The following PRH1 variants were observed in gnomAD, a reference collection of about 807,000 sequenced individuals.
The protein encoded by PRH1 is salivary acidic proline-rich phosphoprotein 1/2.
PRH1 carries 7 observed loss-of-function variants against 7.9 expected under a neutral mutation model. The ratio of observed to expected loss-of-function variants is 0.89; its 90% CI spans 0.50 to 1.67. PRH1 has a LOEUF of 1.67. PRH1 is among the 40% of genes most tolerant of loss of function. The pLI, the probability that PRH1 is intolerant of heterozygous loss-of-function variation, is 0.00. For missense variants in PRH1, 109 were observed against 223.6 expected (o/e 0.49, Z 3.27); for synonymous variants, 45 against 80.8 (o/e 0.56, Z 2.38).
chr12:10,937,448 G>A (rs1950307085), intron 2 of PRH1: 1 of 151,818 alleles, frequency 6.6e-6, no homozygotes, highest in Non-Finnish European at 1.5e-5. Context: ...ACTATACACA[G>A]GAAGATAGGA....
chr12:11,083,912 A>C, intron 1 of PRH1, among the ~76,000 whole-genome samples: 2 of 128,296 alleles, frequency 1.6e-5, no homozygotes, highest in African/African-American at 2.7e-5. Flanking sequence ...TTCTTTGTAA[A>C]CATGTTGCTC....
chr12:11,062,589 C>T (rs1450508273), intron 1 of PRH1, among the ~76,000 whole-genome samples: 1 of 152,100 alleles, frequency 6.6e-6, no homozygotes, highest in Non-Finnish European at 1.5e-5. Context: ...CTGAAGTTGA[C>T]ATGAAACCTG....
intron 1 of PRH1, among the ~76,000 whole-genome samples, chr12:11,106,864 G>T (rs763997797): frequency 6.6e-6 from 1 of 151,814 alleles, no homozygotes; most frequent in Non-Finnish European, 1.5e-5. Flanking sequence ...TTCTCTTCAG[G>T]TAGTCTTTAT....
intron 1 of PRH1, among the ~76,000 whole-genome samples, chr12:11,149,406 T>A (rs1946988219): frequency 6.6e-6 from 1 of 152,156 alleles, no homozygotes; most frequent in South Asian, 2.1e-4. Context: ...TCACGCTACC[T>A]GACTTCAAAC....
intron 1 of PRH1, among the ~76,000 whole-genome samples, chr12:11,006,914 T>C (rs2136032263): frequency 6.6e-6 from 1 of 152,212 alleles, no homozygotes; most frequent in South Asian, 2.1e-4. Context: ...TTTTTAAAAC[T>C]GATGTTGAAG....
rs146852735 is a variant in PRH1, at chr12:10,934,946, T to C, written c.-59+38709A>G. Among the ~76,000 whole-genome samples the C allele has an allele frequency of 1.4e-3, 217 of 152,294 alleles. 1 individual carries two copies. Among genetic ancestry groups the C allele is most frequent in the African/African-American group, 4.9e-3 (202 of 41,578 alleles). On this transcript the variant is annotated intron_variant, in intron 2 of 3. Coordinates refer to the PRH1 transcript ENST00000539853. ...ATTCAATGGATAGAAGTATAACATA[T>C]AGCAAATATGTAAATTAGTAGATGG...
At position 11,133,880 on chromosome 12, in the gene PRH1, T is replaced by C; in HGVS notation, n.40-12700A>G. 2 of 1,614,168 alleles carry C rather than the reference T, an allele frequency of 1.2e-6. No individual in the cohort carries two copies. The highest frequency in any genetic ancestry group is 2.7e-5 in the African/African-American group (2 of 75,058). On this transcript the variant is annotated intron_variant and non_coding_transcript_variant, in intron 1 of 1. Coordinates refer to the PRH1 transcript ENST00000541175. ...CAGAACAACACTCTTAACTCTCCTC[T>C]TTATGCGAAGAAAAATAAGGTTGGA...
At chr12:10,905,027 AC>A (rs1466241108) in intron 2 of PRH1, among the ~76,000 whole-genome samples, 4 of 150,954 alleles carry the variant, frequency 2.6e-5, no homozygotes, top group Non-Finnish European at 4.4e-5. Flanking sequence ...AAAAAAAAAA[AC>A]AGATGCTAGT....
chr12:11,014,522 A>T (rs1392958312), intron 1 of PRH1, among the ~76,000 whole-genome samples: 1 of 152,098 alleles, frequency 6.6e-6, no homozygotes, highest in East Asian at 1.9e-4. Flanking sequence ...CATACTTTGA[A>T]AAATACTTAT....
In PRH1 at chr12:10,921,808, C is replaced by T. The variant is rs184117873; in HGVS notation, c.-58-37533G>A. Among the ~76,000 whole-genome samples the T allele has an allele frequency of 3.5e-3, 535 of 152,216 alleles. 4 individuals are homozygous for T. The highest frequency in any genetic ancestry group is 0.012 in the African/African-American group (503 of 41,518). ...TGAGACAAGGTCTCACGCTGTCACC[C>T]GGGGCTGGAGTGCAGTGGTGCGATC... On this transcript the variant is annotated intron_variant, in intron 2 of 3. Coordinates refer to the PRH1 transcript ENST00000539853.
chr12:10,972,795 T>G (rs774498855), intron 2 of PRH1, among the ~76,000 whole-genome samples: 32 of 152,182 alleles, frequency 2.1e-4, no homozygotes, highest in Non-Finnish European at 3.8e-4. Context: ...AGAATCCAAC[T>G]TTTCCTATCA....
chr12:11,168,281 AAAG>A (rs1565725684), intron 1 of PRH1, among the ~76,000 whole-genome samples: 467 of 45,614 alleles, frequency 0.01, 84 homozygotes, highest in Middle Eastern at 0.022. Flanking sequence ...AGAAAGAAAG[AAAG>A]AAAGAAAGAA....
intron 1 of PRH1, among the ~76,000 whole-genome samples, chr12:10,974,499 G>A (rs567262921): frequency 6.6e-6 from 1 of 152,228 alleles, no homozygotes; most frequent in Non-Finnish European, 1.5e-5. Flanking sequence ...CCAGAGTTAC[G>A]GCATTCAGCG....
At chr12:11,013,037 C>T (rs1485241831) in intron 1 of PRH1, among the ~76,000 whole-genome samples, 1 of 152,098 alleles carries the variant, frequency 6.6e-6, no homozygotes, top group South Asian at 2.1e-4. Context: ...GGTGAAGGGT[C>T]AACTTATATA....
At chr12:10,884,256 G>T (rs1344276280), upstream of PRH1, 20 of 1,613,812 alleles carry the variant, frequency 1.2e-5, no homozygotes, top group Non-Finnish European at 1.7e-5. Context: ...ACTTTGTGCT[G>T]GGAGAAACGT....
At chr12:10,958,458 C>A (rs1483361440) in intron 2 of PRH1, among the ~76,000 whole-genome samples, 1 of 152,054 alleles carries the variant, frequency 6.6e-6, no homozygotes, top group Non-Finnish European at 1.5e-5. Flanking sequence ...AGGTACTCTG[C>A]TTCCCACCCG....
At chr12:10,950,079 G>A (rs1950546202) in intron 2 of PRH1, among the ~76,000 whole-genome samples, 1 of 152,008 alleles carries the variant, frequency 6.6e-6, no homozygotes, top group Admixed American at 6.5e-5. Context: ...TTGTAAACAT[G>A]TCACTCTGGT....
intron 1 of PRH1, among the ~76,000 whole-genome samples, chr12:11,038,539 T>A (rs200243137): frequency 6.6e-6 from 1 of 151,742 alleles, no homozygotes; most frequent in Non-Finnish European, 1.5e-5. Context: ...ATTCTTCTCA[T>A]ATCTGTATTA....
intron 1 of PRH1, among the ~76,000 whole-genome samples, chr12:11,098,551 T>A (rs1049354730): frequency 2.6e-5 from 4 of 152,222 alleles, no homozygotes; most frequent in African/African-American, 7.2e-5. Context: ...ATCATTTGTG[T>A]TTAGCAACTT....
Sources: gnomAD v4.1 joint callset for allele counts (sites outside exome capture counted in the v4.1 genomes callset) on GRCh38, gnomAD v4.1.1 for gene constraint, MANE v1.5 for transcripts, NCBI Gene and HGNC (gene_info 2026-07-23, HGNC 2026-07-21) for gene names.